Variants in KHDRBS2 observed in about 807,000 individuals in gnomAD.
KHDRBS2 encodes KH domain-containing, RNA-binding, signal transduction-associated protein 2.
A neutral mutation model predicts 44.3 loss-of-function variants in KHDRBS2; 26 were observed. The ratio of observed to expected loss-of-function variants is 0.59; its 90% confidence interval spans 0.43 to 0.81. The LOEUF (loss-of-function observed/expected upper bound fraction) is 0.81, where lower values mean the gene tolerates loss of function less well. KHDRBS2 is among the 40% of genes least tolerant of loss of function. The pLI, the probability that KHDRBS2 is intolerant of heterozygous loss-of-function variation, is 0.00. For missense variants in KHDRBS2, 476 were observed against 433.1 expected (o/e 1.10, Z -0.88); for synonymous variants, 194 against 151.1 (o/e 1.28, Z -2.08).
At chr6:62,108,588 C>A (rs1804139850) in intron 2 of KHDRBS2, among the ~76,000 whole-genome samples, 1 of 152,116 alleles carries the variant, frequency 6.6e-6, no homozygotes, top group South Asian at 2.1e-4. Context: ...CCAGCCATCC[C>A]ATTACTGGGT....
chr6:61,732,153 T>C (rs990735181), intron 7 of KHDRBS2, among the ~76,000 whole-genome samples: 1 of 152,042 alleles, frequency 6.6e-6, no homozygotes, highest in African/African-American at 2.4e-5. Flanking sequence ...AAATCTGACT[T>C]TGAAGACATA....
At chr6:62,264,524 G>A (rs2150183793) in intron 1 of KHDRBS2, among the ~76,000 whole-genome samples, 1 of 151,792 alleles carries the variant, frequency 6.6e-6, no homozygotes, top group African/African-American at 2.4e-5. Context: ...AGCATGGGTT[G>A]GCTATTTTCT....
the KHDRBS2 span, among the ~76,000 whole-genome samples, chr6:61,650,652 A>G: frequency 1.3e-5 from 2 of 151,696 alleles, no homozygotes; most frequent in East Asian, 3.9e-4. Context: ...AACTATGGGG[A>G]CTATGAATAG....
intron 2 of KHDRBS2, among the ~76,000 whole-genome samples, chr6:62,165,607 C>G (rs1376508385): frequency 6.6e-6 from 1 of 151,738 alleles, no homozygotes; most frequent in Non-Finnish European, 1.5e-5. Flanking sequence ...TAGATGTGTG[C>G]TACTAAAATA....
intron 6 of KHDRBS2, among the ~76,000 whole-genome samples, chr6:61,799,172 T>TA (rs1785854702): frequency 1.3e-5 from 2 of 151,900 alleles, no homozygotes; most frequent in East Asian, 3.9e-4. Flanking sequence ...TATGCTTTTT[T>TA]AAAAAACAAA....
intron 6 of KHDRBS2, among the ~76,000 whole-genome samples, chr6:61,868,899 C>G (rs1365726452): frequency 6.6e-6 from 1 of 152,182 alleles, no homozygotes; most frequent in African/African-American, 2.4e-5. Flanking sequence ...TCCTGGGTCT[C>G]TGTGCTTGCT....
intron 7 of KHDRBS2, 152 bp downstream of exon 7, chr6:61,732,530 A>G (rs1774647046): frequency 6.6e-6 from 4 of 605,978 alleles, no homozygotes; most frequent in Non-Finnish European, 8.9e-6. Context: ...TTTAACTCTC[A>G]CAGTCTGGTA....
the KHDRBS2 span, among the ~76,000 whole-genome samples, chr6:61,647,023 T>C: frequency 1.4e-4 from 22 of 152,180 alleles, no homozygotes; most frequent in Middle Eastern, 3.4e-3. Context: ...TTCACCATAT[T>C]GGCCAGAGTG....
chr6:62,226,632 G>A (rs2150156073), intron 1 of KHDRBS2, among the ~76,000 whole-genome samples: 2 of 152,150 alleles, frequency 1.3e-5, no homozygotes, highest in South Asian at 2.1e-4. Flanking sequence ...CAATGATACT[G>A]CTTAAGTTTT....
intron 3 of KHDRBS2, among the ~76,000 whole-genome samples, chr6:62,025,296 C>T (rs1420870192): frequency 6.6e-6 from 1 of 151,576 alleles, no homozygotes; most frequent in Non-Finnish European, 1.5e-5. Flanking sequence ...ATGTTTCCTT[C>T]ATCACTATTT....
At chr6:62,120,165 T>C (rs1158839815) in intron 2 of KHDRBS2, among the ~76,000 whole-genome samples, 2 of 152,166 alleles carry the variant, frequency 1.3e-5, no homozygotes, top group East Asian at 3.9e-4. Flanking sequence ...TTTATTTGCT[T>C]GGTTAGCTGA....
At chr6:62,217,648 A>C (rs1585252339) in intron 1 of KHDRBS2, among the ~76,000 whole-genome samples, 2 of 151,850 alleles carry the variant, frequency 1.3e-5, no homozygotes, top group African/African-American at 4.8e-5. Context: ...AAAAATGATC[A>C]ACTGATGTCT....
At chr6:62,127,832 A>T (rs1809331208) in intron 2 of KHDRBS2, among the ~76,000 whole-genome samples, 1 of 152,184 alleles carries the variant, frequency 6.6e-6, no homozygotes, top group Non-Finnish European at 1.5e-5. Context: ...GATTTTCTGT[A>T]AAGTCTCTCA....
At chr6:62,076,671 C>A (rs1796398582) in intron 2 of KHDRBS2, among the ~76,000 whole-genome samples, 2 of 152,158 alleles carry the variant, frequency 1.3e-5, no homozygotes, top group East Asian at 1.9e-4. Context: ...GCCTAGGAGG[C>A]AATTCTATTA....
chr6:61,624,589 A>G, the KHDRBS2 span, among the ~76,000 whole-genome samples: 1 of 152,330 alleles, frequency 6.6e-6, no homozygotes, highest in East Asian at 1.9e-4. Flanking sequence ...AAGAGGAACT[A>G]CTTCATTACA....
At chr6:61,685,950 A>G (rs879551659) in intron 8 of KHDRBS2, among the ~76,000 whole-genome samples, 22 of 151,782 alleles carry the variant, frequency 1.4e-4, no homozygotes, top group Non-Finnish European at 2.9e-4. Flanking sequence ...ATTCAGGAAA[A>G]GTTGACATTA....
rs1344387945 is a variant in KHDRBS2, at chr6:61,839,304, C to T, written c.810+55331G>A. Among the ~76,000 whole-genome samples the T allele has an allele frequency of 2.6e-5, 4 of 151,968 alleles. 1 individual carries two copies. Among genetic ancestry groups the T allele is most frequent in the Admixed American group, 1.3e-4 (2 of 15,210 alleles). On this transcript the variant is annotated intron_variant, in intron 6 of 8. Transcript: ENST00000281156. The stretch of plus-strand genomic sequence containing the variant: ...TGTATCATTTCTCTATCTCCCCACC[C>T]CTCTCCATGACTGTTTCTATTACTT...
In KHDRBS2 at chr6:61,866,320, C is replaced by A. The variant is rs567174095; in HGVS notation, c.810+28315G>T. On this transcript the variant is annotated intron_variant, in intron 6 of 8. Transcript: ENST00000281156. Reference sequence around the variant, plus strand: ...CAAATGTGCACCAGCAGTCTCAACACCACGTGGAAGCTGCCAAGGTTTGAG... The same window carrying A: ...CAAATGTGCACCAGCAGTCTCAACAACACGTGGAAGCTGCCAAGGTTTGAG... 2.6e-5 allele frequency among the ~76,000 whole-genome samples: 4 copies of A among 152,372 alleles called. No individual in the cohort carries two copies. In the South Asian group the frequency reaches 8.3e-4, roughly 32 times the overall value.
At chr6:61,548,598 A>G in the KHDRBS2 span, among the ~76,000 whole-genome samples, 1 of 152,156 alleles carries the variant, frequency 6.6e-6, no homozygotes, top group South Asian at 2.1e-4. Context: ...TAAAGTGCAT[A>G]ATATGAACCT....
Sources: allele counts gnomAD v4.1 joint callset (sites outside exome capture counted in the v4.1 genomes callset), GRCh38; gene constraint gnomAD v4.1.1; transcripts MANE v1.5; gene names NCBI Gene and HGNC (gene_info 2026-07-23, HGNC 2026-07-21).